Variants in KIFC3 observed in about 807,000 individuals in gnomAD.
KIFC3 encodes the protein kinesin-like protein KIFC3.
In KIFC3, 60 loss-of-function variants were observed where a neutral mutation model predicts 101.8. The observed-to-expected ratio is 0.59, with a 90% CI of 0.48 to 0.73. The LOEUF (loss-of-function observed/expected upper bound fraction) is 0.73, where lower values mean the gene tolerates loss of function less well. Among genes scored for constraint, KIFC3 ranks in the 30% least tolerant of loss-of-function variants. The pLI is 0.00. For missense variants in KIFC3, 966 were observed against 1,137.1 expected, an observed-to-expected ratio of 0.85 and a Z score of 2.16; for synonymous variants, 476 against 482.7, an observed-to-expected ratio of 0.99 and a Z score of 0.18.
chr16:57,764,802 T>G lies in KIFC3; in HGVS notation c.1513-555A>C, dbSNP rs545083778. Among the ~76,000 whole-genome samples the G allele has an allele frequency of 1.2e-4, 16 of 131,968 alleles. No homozygotes were observed. In the South Asian group the frequency reaches 3.7e-3, roughly 31 times the overall value. The allele number at this position is 131,968 out of a possible 152,430, so 86.6% of individuals were successfully genotyped here. On this transcript the variant is annotated intron_variant, in intron 11 of 19. Transcript: ENST00000445690. ...GGGAAGATGGGCAGGGTCATGAAGA[T>G]GGATGGGGCCATGTGGGTGGCCATG...
At chr16:57,813,633 C>A in intron 1 of KIFC3, 1 of 969,524 alleles carries the variant, frequency 1.0e-6, no homozygotes, top group Non-Finnish European at 1.2e-6. Context: ...GCCTGCATGA[C>A]AATAATTAGG....
intron 12 of KIFC3, among the ~76,000 whole-genome samples, chr16:57,763,421 AAG>A (rs1239390629): frequency 6.6e-6 from 1 of 151,920 alleles, no homozygotes; most frequent in African/African-American, 2.4e-5. Context: ...GATGGGAAAT[AAG>A]AGGGCCGCCC....
intron 1 of KIFC3, among the ~76,000 whole-genome samples, chr16:57,861,142 TC>T (rs1328174340): frequency 6.6e-6 from 1 of 152,250 alleles, no homozygotes; most frequent in African/African-American, 2.4e-5. Flanking sequence ...ACTACTGATT[TC>T]CACAAGAATT....
intron 1 of KIFC3, among the ~76,000 whole-genome samples, chr16:57,823,761 T>TTGTGTGTGTGTGTGTG (rs542476459): frequency 0.02 from 2,715 of 136,598 alleles, 49 homozygotes; most frequent in Non-Finnish European, 0.026. Flanking sequence ...CCCGGCTACT[T>TTGTGTGTGTGTGTGTG]TGTGTGTGTG....
chr16:57,840,991 G>A (rs2149311659), intron 1 of KIFC3, among the ~76,000 whole-genome samples: 1 of 152,308 alleles, frequency 6.6e-6, no homozygotes, highest in Non-Finnish European at 1.5e-5. Context: ...GGGACCTTGT[G>A]AAGGCATAGC....
intron 3 of KIFC3, among the ~76,000 whole-genome samples, chr16:57,793,697 T>C (rs1296038538): frequency 6.7e-6 from 1 of 150,190 alleles, no homozygotes; most frequent in Non-Finnish European, 1.5e-5. Flanking sequence ...GGTGTGATGA[T>C]GCACACCTGT....
At chr16:57,760,185 C>A in intron 17 of KIFC3, 97 bp downstream of exon 17, 1 of 1,436,586 alleles carries the variant, frequency 7.0e-7, no homozygotes. Context: ...CCTGCCCCCA[C>A]TGCTTCAGGA....
intron 10 of KIFC3, 80 bp downstream of exon 10, chr16:57,766,793 TG>T: frequency 2.3e-6 from 2 of 861,082 alleles, no homozygotes; most frequent in Non-Finnish European, 3.8e-6. Flanking sequence ...GCCTCAATGG[TG>T]GGGTGAGCTC....
At chr16:57,759,195 T>G (rs1555593000) in intron 18 of KIFC3, 42 bp from the exon 19 acceptor site, 1 of 1,550,498 alleles carries the variant, frequency 6.4e-7, no homozygotes, top group South Asian at 1.2e-5. Context: ...GGGCTTGCCT[T>G]GGGCCAGTAC....
intron 3 of KIFC3, chr16:57,788,794 C>T (rs1193206365): frequency 1.8e-5 from 22 of 1,244,022 alleles, no homozygotes; most frequent in Non-Finnish European, 2.1e-5. Context: ...GGTGTGCTCC[C>T]GGAGCTGGCA....
chr16:57,773,848 CCAGGGTGG>C (rs1555610278), intron 3 of KIFC3: 1 of 152,084 alleles, frequency 6.6e-6, no homozygotes, highest in South Asian at 2.1e-4. Flanking sequence ...TCCCTGTCTC[CCAGGGTGG>C]GAGAGAACGG....
intron 11 of KIFC3, 57 bp from the exon 12 acceptor site, chr16:57,764,304 C>T: frequency 1.8e-6 from 2 of 1,110,562 alleles, no homozygotes; most frequent in Non-Finnish European, 2.6e-6. Flanking sequence ...GCTGGGACCA[C>T]CAGCTACAAG....
At chr16:57,840,972 G>A (rs1435830055) in intron 1 of KIFC3, among the ~76,000 whole-genome samples, 1 of 152,072 alleles carries the variant, frequency 6.6e-6, no homozygotes, top group Non-Finnish European at 1.5e-5. Context: ...CCTCCACCAG[G>A]CAGCCAGAGG....
chr16:57,839,033 AC>A (rs2055752525), intron 1 of KIFC3, among the ~76,000 whole-genome samples: 1 of 152,048 alleles, frequency 6.6e-6, no homozygotes, highest in East Asian at 1.9e-4. Flanking sequence ...CTGTTGAAGA[AC>A]CCTTATTTTG....
chr16:57,791,808 G>A (rs2053893723), intron 3 of KIFC3, among the ~76,000 whole-genome samples: 1 of 152,224 alleles, frequency 6.6e-6, no homozygotes, highest in African/African-American at 2.4e-5. Context: ...ACAGAGTAAA[G>A]AGCGGGTCCT....
chr16:57,760,928 C>T lies in KIFC3; in HGVS notation c.2030G>A (p.Gly677Asp), dbSNP rs1555596274. 2 of 1,607,230 alleles carry T rather than the reference C, an allele frequency of 1.2e-6. No individual in the cohort carries two copies. The highest frequency in any genetic ancestry group is 2.2e-5 in the South Asian group (2 of 90,772). ...CCCCGACTTGCCCACGCGCTCCGAG[C>T]CAGCCAAGTCCACCAGGTTCAGCTT... is the stretch of plus-strand genomic sequence containing the variant. ...TGKLNLVDLA[G>D]SERVGKSGAE... is the part of the protein sequence containing the mutation. Residue 677 changes from glycine to aspartate, a missense_variant, in exon 16 of 20, where the codon GGC becomes GAC. Physicochemically the swap from Gly to Asp is moderately conservative, Grantham distance 94. Around this residue, in one of 2 missense-constraint regions of KIFC3, gnomAD observed 689 missense variants for 884.6 expected, o/e 0.78. Transcript: ENST00000445690.
upstream of KIFC3, chr16:57,808,087 C>T (rs2054983746): frequency 6.6e-6 from 1 of 152,018 alleles, no homozygotes; most frequent in Non-Finnish European, 1.5e-5. Flanking sequence ...TTTAGGGGAA[C>T]CTAAAGCCTT....
chr16:57,841,727 A>G (rs1340699847), intron 1 of KIFC3, among the ~76,000 whole-genome samples: 1 of 152,078 alleles, frequency 6.6e-6, no homozygotes, highest in Non-Finnish European at 1.5e-5. Context: ...ATCGCCCATG[A>G]GACCTTATAG....
intron 1 of KIFC3, among the ~76,000 whole-genome samples, chr16:57,826,211 A>G (rs986613441): frequency 5.4e-4 from 82 of 152,366 alleles, no homozygotes; most frequent in African/African-American, 1.8e-3. Flanking sequence ...CACAGTTCAC[A>G]TGCTATCCTG....
Sources: gnomAD v4.1 joint callset for allele counts (sites outside exome capture counted in the v4.1 genomes callset) on GRCh38, gnomAD v4.1.1 for gene constraint, gnomAD v4.1.1 regional missense constraint, MANE v1.5 for transcripts, NCBI Gene and HGNC (gene_info 2026-07-23, HGNC 2026-07-21) for gene names.